The following ZNHIT6 variants were observed in gnomAD, a reference collection of about 807,000 sequenced individuals.
The protein encoded by ZNHIT6 is box C/D snoRNA protein 1.
ZNHIT6 carries 45 observed loss-of-function variants against 57.2 expected under a neutral mutation model. That is an observed-to-expected ratio of 0.79 (90% confidence interval 0.62 to 1.01). ZNHIT6 has a LOEUF of 1.01. ZNHIT6 is among the 50% of genes least tolerant of loss of function. The probability of loss-of-function intolerance (pLI) is 0.00; values close to 1 mark genes in which losing one functional copy is unlikely to be tolerated. For synonymous variants in ZNHIT6, 188 were observed against 190.0 expected, an observed-to-expected ratio of 0.99 and a Z score of 0.09; for missense variants, 528 against 567.3, an observed-to-expected ratio of 0.93 and a Z score of 0.70.
chr1:85,658,739 C>CA (rs1385091882), intron 8 of ZNHIT6, among the ~76,000 whole-genome samples: 1 of 151,826 alleles, frequency 6.6e-6, no homozygotes, highest in African/African-American at 2.4e-5. Context: ...GGCATGGTGG[C>CA]ACATGCCTGT....
intron 5 of ZNHIT6, among the ~76,000 whole-genome samples, chr1:85,686,765 C>T (rs150217609): frequency 2.6e-5 from 4 of 152,180 alleles, no homozygotes; most frequent in African/African-American, 4.8e-5. Context: ...TTTATTGACA[C>T]TGTACATAGC....
At chr1:85,698,066 T>C (rs1395825053) in intron 5 of ZNHIT6, among the ~76,000 whole-genome samples, 5 of 152,194 alleles carry the variant, frequency 3.3e-5, no homozygotes, top group Non-Finnish European at 7.4e-5. Context: ...CAAGCTTCTC[T>C]ATTTTTAACA....
Position 85,651,209 on chromosome 1 carries a change from G to A in ZNHIT6, c.*2849C>T, listed in dbSNP as rs914640419. The A allele has an allele frequency of 1.3e-5, 2 of 151,904 alleles. No homozygotes were observed. Among genetic ancestry groups the A allele is most frequent in the South Asian group, 2.1e-4 (1 of 4,810 alleles). 9.4% of individuals were successfully genotyped at this position (151,904 alleles called of 1,614,324 possible). A position where few individuals can be genotyped will look rare whatever the true frequency, so the allele number is the denominator to read the frequency against. Reference sequence around the variant, plus strand: ...AACAAACTGGATCAACTACATTTTGGAATCTTAAATATCTATTTTTAATAA... The same window carrying A: ...AACAAACTGGATCAACTACATTTTGAAATCTTAAATATCTATTTTTAATAA... On this transcript the variant is annotated 3_prime_UTR_variant, in exon 10 of 10. Coordinates refer to ENST00000370574, the MANE Select transcript of ZNHIT6 (RefSeq NM_017953.4).
At chr1:85,674,488 C>T (rs1349578895) in intron 8 of ZNHIT6, among the ~76,000 whole-genome samples, 1 of 152,102 alleles carries the variant, frequency 6.6e-6, no homozygotes, top group Non-Finnish European at 1.5e-5. Flanking sequence ...TTATAGTCAA[C>T]ACCACTTACT....
Position 85,665,082 on chromosome 1 carries a change from C to T in ZNHIT6, c.1248-7111G>A, listed in dbSNP as rs535574239. ...CTGACCTCAGGTGATCTGCCTGCCT[C>T]AGCCTCCCAAACCTCTCTTGTTCAG... On this transcript the variant is annotated intron_variant, in intron 8 of 9. Coordinates refer to ENST00000370574, the MANE Select transcript of ZNHIT6 (RefSeq NM_017953.4). Among the ~76,000 whole-genome samples the T allele has an allele frequency of 2.0e-5, 3 of 152,226 alleles. No homozygotes were observed. The South Asian group carries it at 6.2e-4, about 32-fold the overall frequency.
At chr1:85,668,956 T>C (rs1661466539) in intron 8 of ZNHIT6, among the ~76,000 whole-genome samples, 1 of 152,030 alleles carries the variant, frequency 6.6e-6, no homozygotes. Context: ...GAAAAACTTA[T>C]ATCATGGTCA....
At chr1:85,661,951 C>T (rs977941273) in intron 8 of ZNHIT6, among the ~76,000 whole-genome samples, 2 of 152,098 alleles carry the variant, frequency 1.3e-5, no homozygotes, top group African/African-American at 2.4e-5. Context: ...ACTGGCTGAC[C>T]CTGCTCTGGG....
chr1:85,705,109 G>A (rs1306504717), intron 4 of ZNHIT6, among the ~76,000 whole-genome samples: 3 of 152,150 alleles, frequency 2.0e-5, no homozygotes, highest in Non-Finnish European at 2.9e-5. Flanking sequence ...TTCTTGCCCC[G>A]CTAAAGTTCA....
intron 8 of ZNHIT6, among the ~76,000 whole-genome samples, chr1:85,658,513 A>T (rs1661129359): frequency 6.7e-6 from 1 of 149,636 alleles, no homozygotes. Context: ...TACAGGCGTG[A>T]GCCACCATGA....
chr1:85,677,576 A>T (rs1339504974), intron 7 of ZNHIT6, among the ~76,000 whole-genome samples: 1 of 152,236 alleles, frequency 6.6e-6, no homozygotes, highest in Admixed American at 6.5e-5. Context: ...TATCCTATTC[A>T]GTGACATTTT....
chr1:85,703,967 T>C (rs191613950), intron 4 of ZNHIT6, among the ~76,000 whole-genome samples: 14 of 152,208 alleles, frequency 9.2e-5, no homozygotes, highest in Admixed American at 2.0e-4. Flanking sequence ...AGCAAAAGAC[T>C]TGAACAGGCA....
intron 8 of ZNHIT6, among the ~76,000 whole-genome samples, chr1:85,660,462 C>A (rs1661194241): frequency 6.6e-6 from 1 of 152,072 alleles, no homozygotes; most frequent in Non-Finnish European, 1.5e-5. Context: ...AATTGGGTTT[C>A]TCTAGATTTC....
Position 85,653,922 on chromosome 1 carries a change from G to A in ZNHIT6, c.*136C>T, listed in dbSNP as rs1660984084. ...AGGTTATAAAATACATTTTTTAAAA[G>A]AGTTAAGCTTATTTTTCATACAAAG... On this transcript the variant is annotated 3_prime_UTR_variant, in exon 10 of 10. Coordinates refer to ENST00000370574, the MANE Select transcript of ZNHIT6 (RefSeq NM_017953.4). 1 of 654,092 alleles carries A rather than the reference G, an allele frequency of 1.5e-6. No individual in the cohort carries two copies. Among genetic ancestry groups the A allele is most frequent in the South Asian group, 2.0e-5 (1 of 49,438 alleles). The allele number at this position is 654,092 out of a possible 1,614,324, so 40.5% of individuals were successfully genotyped here.
rs1354513331 is a variant in ZNHIT6 at position 85,650,728 on chromosome 1, C to T, written c.*3330G>A. On this transcript the variant is annotated 3_prime_UTR_variant, in exon 10 of 10. Coordinates refer to ENST00000370574, the MANE Select transcript of ZNHIT6 (RefSeq NM_017953.4). ...GGAGTAGGTATGTGCAAAGAGATCA[C>T]ATGGGAAGGCAGGAGGCAAAAAGGA... 1.3e-5 allele frequency: 2 copies of T among 152,142 alleles called. No individual in the cohort carries two copies. 9.4% of individuals were successfully genotyped at this position (152,142 alleles called of 1,614,324 possible). A position where few individuals can be genotyped will look rare whatever the true frequency, so the allele number is the denominator to read the frequency against.
At chr1:85,672,916 A>C (rs1661601915) in intron 8 of ZNHIT6, among the ~76,000 whole-genome samples, 1 of 152,232 alleles carries the variant, frequency 6.6e-6, no homozygotes, top group Non-Finnish European at 1.5e-5. Flanking sequence ...CCAGGCTTAA[A>C]ATTTAATAGA....
At position 85,708,222 on chromosome 1, in the gene ZNHIT6, C is replaced by G. The variant is rs143599807; in HGVS notation, c.63G>C (p.Gly21=). The change falls in exon 1 of 10, where the codon GGG becomes GGC. Residue 21 remains glycine (G), a synonymous_variant. Transcript: ENST00000370574. Reference sequence around the variant, plus strand: ...TGCCAGGCTCTGGACTTAGCCGCACCCCCTCAGCTACGCTGTGGAGACCTC... The same window carrying G: ...TGCCAGGCTCTGGACTTAGCCGCACGCCCTCAGCTACGCTGTGGAGACCTC... ...SGGGLHSVAE[G]VRLSPEPGRE... 1.2e-5 allele frequency: 20 copies of G among 1,613,686 alleles called. No homozygotes were observed. The East Asian group carries it at 4.2e-4, about 34-fold the overall frequency.
At chr1:85,663,909 C>A (rs889943119) in intron 8 of ZNHIT6, among the ~76,000 whole-genome samples, 5 of 144,100 alleles carry the variant, frequency 3.5e-5, no homozygotes, top group Non-Finnish European at 7.8e-5. Flanking sequence ...GCTGTTAGCC[C>A]GGTGTAGGTG....
At position 85,680,831 on chromosome 1, in the gene ZNHIT6, G is replaced by C. The variant is rs775676568; in HGVS notation, c.1088+5C>G. On this transcript the variant is annotated splice_donor_5th_base_variant and intron_variant, in intron 6 of 9. Transcript: ENST00000370574. ...AAATCAGTGATTGAAAGATAGCAGTGATACCTTTTTTCTATGTACTCAGCT... is the reference window on the plus strand; with the variant it reads ...AAATCAGTGATTGAAAGATAGCAGTCATACCTTTTTTCTATGTACTCAGCT... 2.5e-6 allele frequency: 4 copies of C among 1,606,290 alleles called. No individual in the cohort carries two copies. In the Admixed American group the frequency reaches 6.7e-5, roughly 27 times the overall value.
In ZNHIT6 at chr1:85,652,582, G is replaced by A. The variant is rs895046628; in HGVS notation, c.*1476C>T. ...GGTCCTTCTGGCATTATTGTTTTTC[G>A]ATTCTCTTCTCCAGTTTCTACCCCA... On this transcript the variant is annotated 3_prime_UTR_variant, in exon 10 of 10. Coordinates refer to ENST00000370574, the MANE Select transcript of ZNHIT6 (RefSeq NM_017953.4). 3.2e-4 allele frequency: 49 copies of A among 151,960 alleles called. No homozygotes were observed. Among genetic ancestry groups the A allele is most frequent in the Admixed American group, 3.1e-3 (47 of 15,246 alleles). The allele number at this position is 151,960 out of a possible 1,614,324, so 9.4% of individuals were successfully genotyped here.
Sources: allele counts gnomAD v4.1 joint callset (sites outside exome capture counted in the v4.1 genomes callset), GRCh38; gene constraint gnomAD v4.1.1; transcripts MANE v1.5; gene names NCBI Gene and HGNC (gene_info 2026-07-23, HGNC 2026-07-21).